Variants in ANK2 observed in about 807,000 individuals in gnomAD.
ANK2 encodes ankyrin-2.
Under a neutral mutation model 360.5 loss-of-function variants are expected in ANK2, and 83 were observed. The ratio of observed to expected loss-of-function variants is 0.23; its 90% confidence interval spans 0.19 to 0.28. ANK2 has a LOEUF of 0.28. ANK2 is among the 10% of genes least tolerant of loss of function. ANK2 has a pLI of 1.00. For synonymous variants in ANK2, 1,740 were observed against 1,759.5 expected (o/e 0.99, Z 0.28); for missense variants, 4,201 against 4,795.7 (o/e 0.88, Z 3.66).
At chr4:112,917,340 T>C (rs1204077486) in intron 2 of ANK2, among the ~76,000 whole-genome samples, 2 of 152,238 alleles carry the variant, frequency 1.3e-5, no homozygotes, top group Non-Finnish European at 2.9e-5. Flanking sequence ...TGTTGTTGCT[T>C]ATTCTCCTAT....
chr4:113,190,592 G>A (rs2098644539), intron 2 of ANK2, among the ~76,000 whole-genome samples: 1 of 152,010 alleles, frequency 6.6e-6, no homozygotes, highest in East Asian at 1.9e-4. Context: ...ATGAGAAGTT[G>A]AGGTCTAAAG....
chr4:112,807,709 A>C, the ANK2 span, among the ~76,000 whole-genome samples: 1 of 152,342 alleles, frequency 6.6e-6, no homozygotes, highest in Admixed American at 6.5e-5. Context: ...CTTTTCTTTC[A>C]TAGGTCTCCT....
intron 2 of ANK2, among the ~76,000 whole-genome samples, chr4:112,987,417 C>G (rs1325518067): frequency 6.6e-6 from 1 of 152,156 alleles, no homozygotes; most frequent in Non-Finnish European, 1.5e-5. Context: ...CAGGTACTAA[C>G]CAGATTCAGA....
chr4:112,808,668 T>C, the ANK2 span, among the ~76,000 whole-genome samples: 1 of 151,926 alleles, frequency 6.6e-6, no homozygotes, highest in Admixed American at 6.6e-5. Flanking sequence ...CCTAGAAAAA[T>C]AAATAGACAA....
chr4:112,767,221 A>G, the ANK2 span, among the ~76,000 whole-genome samples: 1 of 152,162 alleles, frequency 6.6e-6, no homozygotes, highest in Non-Finnish European at 1.5e-5. Flanking sequence ...TCAAGATAGT[A>G]TGTATCAAAA....
At chr4:112,787,845 G>A in the ANK2 span, among the ~76,000 whole-genome samples, 1 of 152,126 alleles carries the variant, frequency 6.6e-6, no homozygotes, top group Non-Finnish European at 1.5e-5. Flanking sequence ...TGACCATAGA[G>A]TGTTCTCCAT....
At chr4:112,861,123 G>A (rs547179888) in intron 1 of ANK2, among the ~76,000 whole-genome samples, 8 of 152,304 alleles carry the variant, frequency 5.3e-5, no homozygotes, top group African/African-American at 1.9e-4. Context: ...CTGTGAGGGT[G>A]CAAACCAATT....
At chr4:112,997,143 T>C (rs1230908984) in intron 2 of ANK2, among the ~76,000 whole-genome samples, 1 of 152,240 alleles carries the variant, frequency 6.6e-6, no homozygotes, top group Non-Finnish European at 1.5e-5. Flanking sequence ...ATAAACATTG[T>C]ATATATTTAT....
At chr4:112,935,025 T>G (rs1018845355) in intron 2 of ANK2, among the ~76,000 whole-genome samples, 2 of 152,070 alleles carry the variant, frequency 1.3e-5, no homozygotes, top group African/African-American at 4.8e-5. Flanking sequence ...AGTCCTCAGG[T>G]GAGAACGTAT....
intron 11 of ANK2, among the ~76,000 whole-genome samples, chr4:113,257,586 A>C (rs1269522532): frequency 6.6e-6 from 1 of 152,220 alleles, no homozygotes. Flanking sequence ...AAGTTGAAAT[A>C]TTTCTTACAA....
At chr4:113,102,746 C>T (rs1490857496) in intron 1 of ANK2, among the ~76,000 whole-genome samples, 2 of 152,126 alleles carry the variant, frequency 1.3e-5, no homozygotes, top group Non-Finnish European at 2.9e-5. Context: ...ACGTGGAGGT[C>T]ACTAGTAATT....
intron 41 of ANK2, among the ~76,000 whole-genome samples, chr4:113,367,294 C>T (rs1448758592): frequency 6.6e-6 from 1 of 152,058 alleles, no homozygotes; most frequent in Non-Finnish European, 1.5e-5. Context: ...CAAATTCTAA[C>T]CCCATGTTAG....
chr4:112,812,074 C>CAAAAAAAA, the ANK2 span, among the ~76,000 whole-genome samples: 4 of 79,156 alleles, frequency 5.1e-5, no homozygotes, highest in African/African-American at 1.4e-4. Flanking sequence ...GACTCCGTCT[C>CAAAAAAAA]AAAAAAAAAA....
chr4:113,300,469 T>G (rs2074355735), intron 22 of ANK2, among the ~76,000 whole-genome samples: 1 of 152,232 alleles, frequency 6.6e-6, no homozygotes, highest in Admixed American at 6.5e-5. Context: ...TCAGGTGCTG[T>G]GGAAACAATC....
intron 5 of ANK2, among the ~76,000 whole-genome samples, chr4:113,232,601 A>G (rs2099322513): frequency 6.6e-6 from 1 of 152,140 alleles, no homozygotes; most frequent in Non-Finnish European, 1.5e-5. Flanking sequence ...CTTTGTTAGG[A>G]TCCAATATAA....
intron 11 of ANK2, among the ~76,000 whole-genome samples, chr4:113,256,488 C>T (rs2049408576): frequency 6.6e-6 from 1 of 152,144 alleles, no homozygotes; most frequent in Non-Finnish European, 1.5e-5. Flanking sequence ...ATTTTATATA[C>T]ACCATTTCAG....
At chr4:113,365,270 T>G in intron 41 of ANK2, 88 bp downstream of exon 41, 1 of 1,420,818 alleles carries the variant, frequency 7.0e-7, no homozygotes, top group Non-Finnish European at 9.5e-7. Flanking sequence ...CTGGACCTAC[T>G]GTCTTTTTTT....
chr4:112,803,807 G>T, the ANK2 span, among the ~76,000 whole-genome samples: 2 of 152,066 alleles, frequency 1.3e-5, no homozygotes, highest in African/African-American at 2.4e-5. Flanking sequence ...TTGATCAGTG[G>T]ATGTTTGTTG....
At chr4:112,850,331 G>GTCCATCCATCCA (rs139812761) in intron 1 of ANK2, among the ~76,000 whole-genome samples, 22,271 of 142,998 alleles carry the variant, frequency 0.16, 2,281 homozygotes, top group East Asian at 0.48. Flanking sequence ...CCATTCATCT[G>GTCCATCCATCCA]TCCATCCATC....
Sources: allele counts gnomAD v4.1 joint callset (sites outside exome capture counted in the v4.1 genomes callset), GRCh38; gene constraint gnomAD v4.1.1; transcripts MANE v1.5; gene names NCBI Gene and HGNC (gene_info 2026-07-23, HGNC 2026-07-21).